Variants in ATP8B4 observed in about 807,000 individuals in gnomAD.
The protein encoded by ATP8B4 is ATPase phospholipid transporting 8B4 (putative).
A neutral mutation model predicts 145.6 loss-of-function variants in ATP8B4; 133 were observed. That is an observed-to-expected ratio of 0.91 (90% CI 0.79 to 1.05). ATP8B4 has a LOEUF of 1.05. Among genes scored for constraint, ATP8B4 ranks in the 50% least tolerant of loss-of-function variants. The pLI is 0.00. For synonymous variants in ATP8B4, 507 were observed against 492.9 expected, an observed-to-expected ratio of 1.03 and a Z score of -0.38; for missense variants, 1,458 against 1,425.2, an observed-to-expected ratio of 1.02 and a Z score of -0.37.
chr15:50,063,897 G>T (rs890107403), intron 3 of ATP8B4, among the ~76,000 whole-genome samples: 7 of 152,106 alleles, frequency 4.6e-5, no homozygotes, highest in African/African-American at 1.7e-4. Context: ...CTGAAGAAAA[G>T]CTAAAACAAT....
chr15:49,921,021 T>C (rs2040211224), intron 17 of ATP8B4, among the ~76,000 whole-genome samples: 1 of 152,110 alleles, frequency 6.6e-6, no homozygotes, highest in Non-Finnish European at 1.5e-5. Context: ...AATGAATAAA[T>C]AGATGTTAAA....
At chr15:50,009,997 A>G (rs1457329593) in intron 7 of ATP8B4, among the ~76,000 whole-genome samples, 1 of 152,170 alleles carries the variant, frequency 6.6e-6, no homozygotes, top group East Asian at 1.9e-4. Context: ...TAATGAAAGA[A>G]GACTGTTTCT....
intron 6 of ATP8B4, among the ~76,000 whole-genome samples, chr15:50,021,727 A>T (rs929465332): frequency 6.6e-6 from 1 of 152,172 alleles, no homozygotes; most frequent in African/African-American, 2.4e-5. Flanking sequence ...TTTGTTTATT[A>T]TGTGTCTTCC....
intron 16 of ATP8B4, 35 bp from the exon 17 acceptor site, chr15:49,923,529 A>G: frequency 4.3e-6 from 6 of 1,396,620 alleles, no homozygotes; most frequent in Non-Finnish European, 6.0e-6. Context: ...GCAGAATATA[A>G]TCAACGTCAT....
At chr15:50,107,791 A>G (rs1486314286) in intron 1 of ATP8B4, among the ~76,000 whole-genome samples, 1 of 152,118 alleles carries the variant, frequency 6.6e-6, no homozygotes, top group Non-Finnish European at 1.5e-5. Context: ...CAACACACAT[A>G]AAGAAGAAGT....
intron 10 of ATP8B4, among the ~76,000 whole-genome samples, chr15:49,984,518 A>C (rs767854855): frequency 5.9e-5 from 9 of 152,212 alleles, no homozygotes; most frequent in Non-Finnish European, 1.0e-4. Flanking sequence ...AGGAATGGCT[A>C]CTGGACCCTA....
At chr15:50,058,939 G>T (rs1255855769) in intron 3 of ATP8B4, among the ~76,000 whole-genome samples, 2 of 150,212 alleles carry the variant, frequency 1.3e-5, no homozygotes, top group Non-Finnish European at 2.9e-5. Flanking sequence ...TCTCCACATG[G>T]GGCAGGTAGG....
At chr15:50,100,392 TG>T (rs1164952238) in intron 2 of ATP8B4, among the ~76,000 whole-genome samples, 1 of 152,238 alleles carries the variant, frequency 6.6e-6, no homozygotes, top group Non-Finnish European at 1.5e-5. Flanking sequence ...CCACTTATAG[TG>T]ATGTTTAATA....
At chr15:49,866,946 T>C (rs1046422034) in intron 25 of ATP8B4, among the ~76,000 whole-genome samples, 2 of 152,238 alleles carry the variant, frequency 1.3e-5, no homozygotes, top group Admixed American at 6.5e-5. Flanking sequence ...TTTACACCAA[T>C]ATCCCAACTC....
intron 14 of ATP8B4, among the ~76,000 whole-genome samples, chr15:49,945,644 T>C (rs1283109900): frequency 6.6e-6 from 1 of 152,160 alleles, no homozygotes; most frequent in East Asian, 1.9e-4. Context: ...AAAAGGATCA[T>C]ATGCTACAAC....
In ATP8B4 at chr15:50,036,887, G is replaced by A. The variant is rs182699810; in HGVS notation, c.362+1881C>T. On this transcript the variant is annotated intron_variant, in intron 6 of 27. Transcript: ENST00000284509. ...ATTCTCCCTTCAACTTTACAGGATC[G>A]GCAACAATGCTTTTCAATACATCAT... is the stretch of plus-strand genomic sequence containing the variant. Among the ~76,000 whole-genome samples, 18 of 152,128 alleles carry A rather than the reference G, an allele frequency of 1.2e-4. No homozygotes were observed. In the East Asian group the frequency reaches 2.3e-3, roughly 20 times the overall value.
intron 1 of ATP8B4, among the ~76,000 whole-genome samples, chr15:50,179,722 A>C (rs1393758290): frequency 6.6e-6 from 1 of 152,212 alleles, no homozygotes; most frequent in Non-Finnish European, 1.5e-5. Context: ...CCCTTCTACC[A>C]AACAGTACAC....
chr15:49,962,848 T>G (rs1234423007), intron 13 of ATP8B4, among the ~76,000 whole-genome samples: 2 of 152,174 alleles, frequency 1.3e-5, no homozygotes, highest in Admixed American at 1.3e-4. Context: ...TATTTTCCCT[T>G]TCCCTATTGT....
chr15:49,858,943 A>G lies in ATP8B4; in HGVS notation c.*1251T>C, dbSNP rs12915207. 0.33 allele frequency: 50,142 copies of G among 152,062 alleles called. 8,975 individuals carry two copies. The highest frequency in any genetic ancestry group is 0.44 in the African/African-American group (18,440 of 41,446). The allele number at this position is 152,062 out of a possible 1,614,324, so 9.4% of individuals were successfully genotyped here. A position where few individuals can be genotyped will look rare whatever the true frequency, so the allele number is the denominator to read the frequency against. On this transcript the variant is annotated 3_prime_UTR_variant, in exon 28 of 28. Transcript: ENST00000284509. The stretch of plus-strand genomic sequence containing the variant: ...TGACAGACAATCATCAACCAACCAC[A>G]TGAGGTAGGTAGTATGTCCTCATTT...
chr15:50,058,280 T>C (rs983829448), intron 3 of ATP8B4, among the ~76,000 whole-genome samples: 6 of 152,210 alleles, frequency 3.9e-5, no homozygotes, highest in Admixed American at 3.3e-4. Context: ...AGAGTGGGCA[T>C]TTCTTTGAGT....
rs145100312 is a variant in ATP8B4, at chr15:50,069,214, G to A, written c.87+4913C>T. ...GTCTAAATCCCTCTTGTAATTTGAC[G>A]TTTTTACCTTCCAGTTCTCACAATA... On this transcript the variant is annotated intron_variant, in intron 3 of 27. Coordinates refer to ENST00000284509, the MANE Select transcript of ATP8B4 (RefSeq NM_024837.4). Among the ~76,000 whole-genome samples, 21 of 152,186 alleles carry A rather than the reference G, an allele frequency of 1.4e-4. No individual in the cohort carries two copies. In the East Asian group the frequency reaches 3.1e-3, roughly 22 times the overall value.
intron 23 of ATP8B4, chr15:49,880,424 A>T (rs1282920637): frequency 6.6e-6 from 1 of 152,308 alleles, no homozygotes; most frequent in Non-Finnish European, 1.5e-5. Flanking sequence ...AAGGTGGCCC[A>T]GTTGGGTAGA....
rs1180762047 is a variant in ATP8B4, at chr15:50,180,919, G to GA, written c.-43+1341dup. On this transcript the variant is annotated intron_variant, in intron 1 of 3. Transcript: ENST00000558829. ...CATTTTTGTGTGTTTTACACACACC[G>GA]AAAAAAAAAGAGGACATGGACAGAA... 2.1e-4 allele frequency among the ~76,000 whole-genome samples: 32 copies of GA among 150,494 alleles called. No homozygotes were observed. In the East Asian group the frequency reaches 5.1e-3, roughly 24 times the overall value.
intron 23 of ATP8B4, among the ~76,000 whole-genome samples, chr15:49,893,937 A>G (rs187885062): frequency 7.2e-5 from 11 of 152,344 alleles, no homozygotes; most frequent in African/African-American, 2.6e-4. Context: ...AGGTATAATT[A>G]TAACTTGTTT....
Sources: gnomAD v4.1 joint callset for allele counts (sites outside exome capture counted in the v4.1 genomes callset) on GRCh38, gnomAD v4.1.1 for gene constraint, MANE v1.5 for transcripts, NCBI Gene and HGNC (gene_info 2026-07-23, HGNC 2026-07-21) for gene names.